The following SMO variants were observed in gnomAD, a reference collection of about 807,000 sequenced individuals.
The protein encoded by SMO is protein smoothened.
Under a neutral mutation model 81.6 loss-of-function variants are expected in SMO, and 40 were observed. The ratio of observed to expected loss-of-function variants is 0.49; its 90% CI spans 0.38 to 0.64. SMO has a LOEUF of 0.64. Ranked by LOEUF, SMO falls within the 30% of genes least tolerant of loss-of-function variation. The pLI, the probability that SMO is intolerant of heterozygous loss-of-function variation, is 0.00. For missense variants in SMO, 916 were observed against 1,061.1 expected (o/e 0.86, Z 1.90); for synonymous variants, 434 against 432.1 (o/e 1.00, Z -0.05).
chr7:129,188,672 G>C lies in SMO; in HGVS notation c.-480G>C, dbSNP rs1161653862. Among the ~76,000 whole-genome samples, 1 of 152,116 alleles carries C rather than the reference G, an allele frequency of 6.6e-6. No homozygotes were observed. Among genetic ancestry groups the C allele is most frequent in the Non-Finnish European group, 1.5e-5 (1 of 68,002 alleles). ...AGCGAGCTAGAGCAACAAAGGAGCC[G>C]GGTCGCCGGCGGGGAGAGTTCGGGG... On this transcript the variant is annotated 5_prime_UTR_variant, in exon 1 of 12. Transcript: ENST00000249373. This position sits in a 1 kb window ranked among gnomAD's most constrained non-coding sequence, Gnocchi z 4.9.
Position 129,208,906 on chromosome 7 carries a change from C to G in SMO, c.1357+55C>G, listed in dbSNP as rs1793817338. The G allele has an allele frequency of 2.5e-6, 3 of 1,216,632 alleles. No individual in the cohort carries two copies. In the East Asian group the frequency reaches 7.1e-5, roughly 29 times the overall value. The allele number at this position is 1,216,632 out of a possible 1,614,324, so 75.4% of individuals were successfully genotyped here. A position where few individuals can be genotyped will look rare whatever the true frequency, so the allele number is the denominator to read the frequency against. ...GGTCCTGGCCAGCCCAACACTGCACCCTCCTGGGGCTATGCGACCGGCAGG... is the reference window on the plus strand; with the variant it reads ...GGTCCTGGCCAGCCCAACACTGCACGCTCCTGGGGCTATGCGACCGGCAGG... On this transcript the variant is annotated intron_variant, in intron 7 of 11. Coordinates refer to ENST00000249373, the MANE Select transcript of SMO (RefSeq NM_005631.5). This position sits in a 1 kb window ranked among gnomAD's most constrained non-coding sequence, Gnocchi z 5.2.
At chr7:129,198,232 C>T (rs762820612) in intron 1 of SMO, among the ~76,000 whole-genome samples, 5 of 152,098 alleles carry the variant, frequency 3.3e-5, no homozygotes, top group Non-Finnish European at 5.9e-5. Flanking sequence ...GGATTATAGG[C>T]GTGAGCCACC....
chr7:129,203,993 T>C (rs1793716906), intron 2 of SMO, among the ~76,000 whole-genome samples: 2 of 151,704 alleles, frequency 1.3e-5, no homozygotes, highest in Admixed American at 1.3e-4. Context: ...TCAATGAAAA[T>C]AATAACAGTA....
Position 129,207,902 on chromosome 7 carries a change from C to G in SMO, c.1265-857C>G, listed in dbSNP as rs969944843. On this transcript the variant is annotated intron_variant, in intron 6 of 11. Transcript: ENST00000249373. The stretch of plus-strand genomic sequence containing the variant: ...AGTGAGACCCTGTCTCCAAAGAAAA[C>G]AAGACAACAACAAAAAGAAACAAGT... Among the ~76,000 whole-genome samples, 3 of 150,262 alleles carry G rather than the reference C, an allele frequency of 2.0e-5. No individual in the cohort carries two copies. The East Asian group carries it at 5.9e-4, about 30-fold the overall frequency.
At chr7:129,209,192 G>A (rs2150652634) in intron 7 of SMO, 97 bp from the exon 8 acceptor site, 1 of 736,292 alleles carries the variant, frequency 1.4e-6, no homozygotes, top group Non-Finnish European at 2.4e-6. Context: ...GCCCCAGCTG[G>A]GTGAACTTTG....
chr7:129,205,196 G>A lies in SMO; in HGVS notation c.538-7G>A, dbSNP rs202215666. ...TTGACACCGTCTTTTCCCATCCCTG[G>A]TGCCAGAATGAGGTGCAGAACATCA... On this transcript the variant is annotated splice_region_variant and splice_polypyrimidine_tract_variant and intron_variant, in intron 2 of 11. Coordinates refer to ENST00000249373, the MANE Select transcript of SMO (RefSeq NM_005631.5). The A allele has an allele frequency of 6.2e-7, 1 of 1,613,688 alleles. No homozygotes were observed.
chr7:129,205,580 C>G (rs754101256), intron 3 of SMO, 30 bp from the exon 4 acceptor site: 1 of 1,602,816 alleles, frequency 6.2e-7, no homozygotes, highest in Admixed American at 1.7e-5. Context: ...TAACCCTAAC[C>G]TCACAGAATG....
chr7:129,204,953 G>A (rs887150194), intron 2 of SMO, among the ~76,000 whole-genome samples: 7 of 150,458 alleles, frequency 4.7e-5, no homozygotes. Flanking sequence ...GCAGTGAGCT[G>A]AGATCACGCC....
rs762902762 is a variant in SMO, at chr7:129,212,482, A to G, written c.*31A>G. On this transcript the variant is annotated 3_prime_UTR_variant, in exon 12 of 12. Transcript: ENST00000249373. The surrounding 1 kb of genome is among the most constrained non-coding windows in gnomAD (Gnocchi z 5.0). ...CAGAGCAGGACCTGGGACAGGAAAGAGAGGAACCAATACCTTCAAGGCTCT... is the reference window on the plus strand; with the variant it reads ...CAGAGCAGGACCTGGGACAGGAAAGGGAGGAACCAATACCTTCAAGGCTCT... The G allele has an allele frequency of 4.4e-6, 7 of 1,589,388 alleles. No individual in the cohort carries two copies. Among genetic ancestry groups the G allele is most frequent in the Non-Finnish European group, 5.2e-6 (6 of 1,163,360 alleles).
chr7:129,210,347 C>T lies in SMO; in HGVS notation c.1467-16C>T, dbSNP rs756916819. 2.9e-5 allele frequency: 47 copies of T among 1,606,762 alleles called. No homozygotes were observed. The highest frequency in any genetic ancestry group is 1.6e-4 in the Middle Eastern group (1 of 6,064). ...AAGAAAGGAAAGCCTCACCTGTCTACGTTCCCTCACTGTAGATGTCAGGCC... is the reference window on the plus strand; with the variant it reads ...AAGAAAGGAAAGCCTCACCTGTCTATGTTCCCTCACTGTAGATGTCAGGCC... On this transcript the variant is annotated splice_polypyrimidine_tract_variant and intron_variant, in intron 8 of 11. Transcript: ENST00000249373. The surrounding 1 kb of genome is among the most constrained non-coding windows in gnomAD (Gnocchi z 4.7).
intron 1 of SMO, among the ~76,000 whole-genome samples, chr7:129,201,318 A>G (rs1157656750): frequency 6.6e-6 from 1 of 152,180 alleles, no homozygotes; most frequent in African/African-American, 2.4e-5. Context: ...TTCTGGGATT[A>G]CAGGTTTGAG....
chr7:129,207,902 C>T (rs969944843), intron 6 of SMO, among the ~76,000 whole-genome samples: 1 of 150,262 alleles, frequency 6.7e-6, no homozygotes, highest in African/African-American at 2.5e-5. Flanking sequence ...CCAAAGAAAA[C>T]AAGACAACAA....
At chr7:129,197,719 C>A (rs910713756) in intron 1 of SMO, among the ~76,000 whole-genome samples, 5 of 152,148 alleles carry the variant, frequency 3.3e-5, no homozygotes, top group Admixed American at 2.0e-4. Context: ...CTGCGCCCGG[C>A]TGAATTTTAT....
At chr7:129,190,713 T>A (rs1793469963) in intron 1 of SMO, among the ~76,000 whole-genome samples, 1 of 152,234 alleles carries the variant, frequency 6.6e-6, no homozygotes, top group Non-Finnish European at 1.5e-5. Context: ...ATGGTACCCA[T>A]GAGGAAGAGC....
chr7:129,190,319 C>T (rs1261221812), intron 1 of SMO, among the ~76,000 whole-genome samples: 1 of 152,212 alleles, frequency 6.6e-6, no homozygotes, highest in Non-Finnish European at 1.5e-5. Context: ...AAAAACTGCA[C>T]ACTGAACCCA....
chr7:129,196,583 T>C (rs1342152357), intron 1 of SMO, among the ~76,000 whole-genome samples: 1 of 152,198 alleles, frequency 6.6e-6, no homozygotes, highest in East Asian at 1.9e-4. Flanking sequence ...TATATTTCTA[T>C]TTAGATCTTT....
Position 129,203,360 on chromosome 7 carries a change from C to T in SMO, c.332-24C>T, listed in dbSNP as rs1793700958. ...GGGTCAGAGTGAGGAGGGGCCTTCA[C>T]TGCAATGCTGTTGCCACCCCCAGGC... On this transcript the variant is annotated intron_variant, in intron 1 of 11. Transcript: ENST00000249373. 2.0e-6 allele frequency: 3 copies of T among 1,534,154 alleles called. No individual in the cohort carries two copies. In the East Asian group the frequency reaches 7.3e-5, roughly 38 times the overall value.
At chr7:129,199,792 T>A (rs1412690301) in intron 1 of SMO, among the ~76,000 whole-genome samples, 1 of 152,188 alleles carries the variant, frequency 6.6e-6, no homozygotes, top group Non-Finnish European at 1.5e-5. Context: ...CTCTTAATAA[T>A]ACAAATGTGG....
At chr7:129,193,355 G>A (rs1793506587) in intron 1 of SMO, among the ~76,000 whole-genome samples, 4 of 152,150 alleles carry the variant, frequency 2.6e-5, no homozygotes, top group African/African-American at 7.2e-5. Flanking sequence ...ATTGAATTGA[G>A]GGCTGAGAGG....
Sources: allele counts gnomAD v4.1 joint callset (sites outside exome capture counted in the v4.1 genomes callset), GRCh38; gene constraint gnomAD v4.1.1; non-coding constraint Gnocchi (gnomAD v3.1); transcripts MANE v1.5; gene names NCBI Gene and HGNC (gene_info 2026-07-23, HGNC 2026-07-21).